PAQR4: variants seen among roughly 807,000 people sequenced by gnomAD.
The protein encoded by PAQR4 is progestin and adipoQ receptor family member 4, also known as progestin and adipoQ receptor family member IV.
Under a neutral mutation model 20.9 loss-of-function variants are expected in PAQR4, and 26 were observed. The observed-to-expected ratio is 1.24, with a 90% CI of 0.91 to 1.73. PAQR4 has a LOEUF of 1.73. Among genes scored for constraint, PAQR4 ranks in the 40% most tolerant of loss-of-function variants. The probability of loss-of-function intolerance (pLI) is 0.00; values close to 1 mark genes in which losing one functional copy is unlikely to be tolerated. For missense variants in PAQR4, 400 were observed against 380.1 expected (o/e 1.05, Z -0.44); for synonymous variants, 193 against 171.6 (o/e 1.12, Z -0.97).
Position 2,971,896 on chromosome 16 carries a change from G to A in PAQR4, c.770G>A (p.Gly257Asp), listed in dbSNP as rs144862584. 4 of 1,607,920 alleles carry A rather than the reference G, an allele frequency of 2.5e-6. No individual in the cohort carries two copies. Among genetic ancestry groups the A allele is most frequent in the Non-Finnish European group, 3.4e-6 (4 of 1,179,598 alleles). The change falls in exon 3 of 3, where the codon GGC becomes GAC. Residue 257 changes from glycine (G) to aspartate (D), a missense_variant. Physicochemically the swap from Gly to Asp is moderately conservative, Grantham distance 94. Transcript: ENST00000318782. ...GGCTCCATCCTGCAGCTGCACGCCGGCGTCGTGCCCGACCTGCTCTGGGCT... is the reference window on the plus strand; with the variant it reads ...GGCTCCATCCTGCAGCTGCACGCCGACGTCGTGCCCGACCTGCTCTGGGCT... The part of the protein sequence containing the change: ...SVGSILQLHA[G>D]VVPDLLWAAH...
chr16:2,973,340 A>G lies in PAQR4; in HGVS notation c.*1392A>G. 5.8e-6 allele frequency: 9 copies of G among 1,542,960 alleles called. No homozygotes were observed. The highest frequency in any genetic ancestry group is 7.9e-6 in the Non-Finnish European group (9 of 1,145,366). On this transcript the variant is annotated 3_prime_UTR_variant, in exon 3 of 3. Coordinates refer to ENST00000318782, the MANE Select transcript of PAQR4 (RefSeq NM_152341.5). ...AACAGGCAGGGAGCCACAGTCAGGG[A>G]CAATAAAAACTTGGTGCACTCTGAA... is the stretch of plus-strand genomic sequence containing the variant.
In PAQR4 at chr16:2,973,222, G is replaced by A; in HGVS notation, c.*1274G>A. The A allele has an allele frequency of 6.7e-7, 1 of 1,489,366 alleles. No individual in the cohort carries two copies. Among genetic ancestry groups the A allele is most frequent in the Non-Finnish European group, 9.0e-7 (1 of 1,115,940 alleles). The allele number at this position is 1,489,366 out of a possible 1,614,324, so 92.3% of individuals were successfully genotyped here. A position where few individuals can be genotyped will look rare whatever the true frequency, so the allele number is the denominator to read the frequency against. On this transcript the variant is annotated 3_prime_UTR_variant, in exon 3 of 3. Transcript: ENST00000318782. ...CTCAGGGGAGAGTGAAGGCCTGCAG[G>A]AGGGCAGGCGAGACAAGGAGGGTGT...
Position 2,973,160 on chromosome 16 carries a change from G to T in PAQR4, c.*1212G>T, listed in dbSNP as rs2072052606. ...TACCTGGGTGTGCACCTGCTCCGGGGGGTGGAGGTGCTCCCCACAGTCCGG... is the reference window on the plus strand; with the variant it reads ...TACCTGGGTGTGCACCTGCTCCGGGTGGTGGAGGTGCTCCCCACAGTCCGG... On this transcript the variant is annotated 3_prime_UTR_variant, in exon 3 of 3. Coordinates refer to ENST00000318782, the MANE Select transcript of PAQR4 (RefSeq NM_152341.5). 6.5e-7 allele frequency: 1 copy of T among 1,539,162 alleles called. No individual in the cohort carries two copies. The highest frequency in any genetic ancestry group is 8.8e-7 in the Non-Finnish European group (1 of 1,136,922).
rs773067432 is a variant in PAQR4, at chr16:2,971,338, C to T, written c.348C>T (p.Leu116=). 2.3e-5 allele frequency: 37 copies of T among 1,611,510 alleles called. 1 individual carries two copies. The highest frequency in any genetic ancestry group is 8.8e-5 in the South Asian group (8 of 91,086). The change falls in exon 2 of 3, where the codon CTC becomes CTT. Residue 116 remains leucine, a synonymous_variant. Coordinates refer to ENST00000318782, the MANE Select transcript of PAQR4 (RefSeq NM_152341.5). ...GCAGCGCTGTGTACGCCCGGCTCCT[C>T]GCCCTGGACATGTGTGGGGTCTGCC... ...QGGSAVYARL[L]ALDMCGVCLV...
chr16:2,969,512 G>C lies in PAQR4; in HGVS notation c.-163G>C. 1.6e-6 allele frequency: 1 copy of C among 635,928 alleles called. No individual in the cohort carries two copies. Among genetic ancestry groups the C allele is most frequent in the Non-Finnish European group, 2.2e-6 (1 of 456,012 alleles). The allele number at this position is 635,928 out of a possible 1,614,324, so 39.4% of individuals were successfully genotyped here. On this transcript the variant is annotated 5_prime_UTR_variant, in exon 1 of 3. Transcript: ENST00000318782. ...CGCGTGCGCAGCGCCGGAGGGGCGC[G>C]GGCTGGGACCCCCTAGCCAGCGCGT...
In PAQR4 at chr16:2,972,383, A is replaced by T; in HGVS notation, c.*435A>T. On this transcript the variant is annotated 3_prime_UTR_variant, in exon 3 of 3. Transcript: ENST00000318782. ...TCTCCATCTTTCTGCCCTGCATACCAGCCCTCCCAGCAGCCACAAGCTTGC... is the reference window on the plus strand; with the variant it reads ...TCTCCATCTTTCTGCCCTGCATACCTGCCCTCCCAGCAGCCACAAGCTTGC... The T allele has an allele frequency of 1.8e-6, 1 of 544,392 alleles. No individual in the cohort carries two copies. Among genetic ancestry groups the T allele is most frequent in the Non-Finnish European group, 3.3e-6 (1 of 306,142 alleles). 33.7% of individuals were successfully genotyped at this position (544,392 alleles called of 1,614,324 possible).
At chr16:2,971,436 C>G in intron 2 of PAQR4, 58 bp downstream of exon 2, 1 of 1,582,364 alleles carries the variant, frequency 6.3e-7, no homozygotes, top group Non-Finnish European at 8.6e-7. Flanking sequence ...GCATGGGGCA[C>G]GCATACAAGC....
Position 2,972,922 on chromosome 16 carries a change from A to C in PAQR4, c.*974A>C. Reference sequence around the variant, plus strand: ...GGCGACGGGAGAGACACAGGATAAAAGGTTAAAAGTGCAGAGGCAGAGTCT... The same window carrying C: ...GGCGACGGGAGAGACACAGGATAAACGGTTAAAAGTGCAGAGGCAGAGTCT... On this transcript the variant is annotated 3_prime_UTR_variant, in exon 3 of 3. Transcript: ENST00000318782. 1 of 1,577,402 alleles carries C rather than the reference A, an allele frequency of 6.3e-7. No individual in the cohort carries two copies. The highest frequency in any genetic ancestry group is 8.6e-7 in the Non-Finnish European group (1 of 1,160,718).
Position 2,973,318 on chromosome 16 carries a change from A to G in PAQR4, c.*1370A>G. ...GGCTCCAGGCTCCCGCCTGACAAACAGGCAGGGAGCCACAGTCAGGGACAA... is the reference window on the plus strand; with the variant it reads ...GGCTCCAGGCTCCCGCCTGACAAACGGGCAGGGAGCCACAGTCAGGGACAA... On this transcript the variant is annotated 3_prime_UTR_variant, in exon 3 of 3. Coordinates refer to ENST00000318782, the MANE Select transcript of PAQR4 (RefSeq NM_152341.5). 6.6e-7 allele frequency: 1 copy of G among 1,520,082 alleles called. No individual in the cohort carries two copies. The highest frequency in any genetic ancestry group is 8.8e-7 in the Non-Finnish European group (1 of 1,135,366). 94.2% of individuals were successfully genotyped at this position (1,520,082 alleles called of 1,614,324 possible).
chr16:2,972,551 T>A lies in PAQR4; in HGVS notation c.*603T>A. On this transcript the variant is annotated 3_prime_UTR_variant, in exon 3 of 3. Coordinates refer to ENST00000318782, the MANE Select transcript of PAQR4 (RefSeq NM_152341.5). ...CTTCCAGGAAACTGACACAGGGAGC[T>A]CAGCGGCCTCAGATCCTGGGACCCC... 3 of 1,433,020 alleles carry A rather than the reference T, an allele frequency of 2.1e-6. No homozygotes were observed. In the South Asian group the frequency reaches 3.9e-5, roughly 19 times the overall value. 88.8% of individuals were successfully genotyped at this position (1,433,020 alleles called of 1,614,324 possible).
At chr16:2,970,988 C>G in intron 1 of PAQR4, 169 bp from the exon 2 acceptor site, 1 of 637,550 alleles carries the variant, frequency 1.6e-6, no homozygotes, top group Non-Finnish European at 2.7e-6. Context: ...GATAAGTAAC[C>G]AGTGCCAAAA....
Position 2,973,436 on chromosome 16 carries a change from A to G in PAQR4, c.*1488A>G. The G allele has an allele frequency of 6.5e-7, 1 of 1,530,178 alleles. No homozygotes were observed. The allele number at this position is 1,530,178 out of a possible 1,614,324, so 94.8% of individuals were successfully genotyped here. On this transcript the variant is annotated 3_prime_UTR_variant, in exon 3 of 3. Transcript: ENST00000318782. ...CCAAGGCCCCCTCTGTCCTTTTCAG[A>G]ACACATGGACTTGGAGGCAGATTTG...
Position 2,972,384 on chromosome 16 carries a change from G to A in PAQR4, c.*436G>A. On this transcript the variant is annotated 3_prime_UTR_variant, in exon 3 of 3. Transcript: ENST00000318782. Reference sequence around the variant, plus strand: ...CTCCATCTTTCTGCCCTGCATACCAGCCCTCCCAGCAGCCACAAGCTTGCC... The same window carrying A: ...CTCCATCTTTCTGCCCTGCATACCAACCCTCCCAGCAGCCACAAGCTTGCC... 3.7e-6 allele frequency: 2 copies of A among 545,894 alleles called. No individual in the cohort carries two copies. Among genetic ancestry groups the A allele is most frequent in the East Asian group, 3.1e-5 (1 of 32,574 alleles). 33.8% of individuals were successfully genotyped at this position (545,894 alleles called of 1,614,324 possible). A position where few individuals can be genotyped will look rare whatever the true frequency, so the allele number is the denominator to read the frequency against.
In PAQR4 at chr16:2,971,596, C is replaced by T. The variant is rs367647268; in HGVS notation, c.470C>T (p.Ser157Leu). The T allele has an allele frequency of 2.1e-5, 33 of 1,602,194 alleles. 1 individual carries two copies. The highest frequency in any genetic ancestry group is 1.6e-4 in the Middle Eastern group (1 of 6,082). ...GCCCTGGTGGGCTACACTGTGTTGT[C>T]GGGTGTGGCCGGCTGGCGTGCTCTC... is the stretch of plus-strand genomic sequence containing the variant. Reference protein sequence around the residue: ...PAALVGYTVLSGVAGWRALTA... With the variant: ...PAALVGYTVLLGVAGWRALTA... The change falls in exon 3 of 3, where the codon TCG (serine) becomes TTG (leucine). Residue 157 changes from serine to leucine, a missense_variant. Transcript: ENST00000318782.
chr16:2,971,566 CG>C lies in PAQR4; in HGVS notation c.442del (p.Ala148LeufsTer72). The C allele has an allele frequency of 6.3e-7, 1 of 1,597,330 alleles. No homozygotes were observed. Among genetic ancestry groups the C allele is most frequent in the Non-Finnish European group, 8.5e-7 (1 of 1,177,630 alleles). On this transcript the variant is annotated frameshift_variant, in exon 3 of 3. Coordinates refer to ENST00000318782, the MANE Select transcript of PAQR4 (RefSeq NM_152341.5). LOFTEE classifies it high-confidence loss of function. The stretch of plus-strand genomic sequence containing the variant: ...CTGGCCTGCAGGCCCTGGCTGCGCC[CG>C]GCTGCCCTGGTGGGCTACACTGTGT... ...CTLACRPWLR[P>X]AALVGYTVLS...
chr16:2,972,831 AC>A lies in PAQR4; in HGVS notation c.*884del. ...GCTTGGGTGCTCCCAAGGTTCAAAT[AC>A]TTTTTATTAGACACGGCCAGGCAGA... On this transcript the variant is annotated 3_prime_UTR_variant, in exon 3 of 3. Transcript: ENST00000318782. The A allele has an allele frequency of 6.5e-7, 1 of 1,533,382 alleles. No individual in the cohort carries two copies. The highest frequency in any genetic ancestry group is 8.8e-7 in the Non-Finnish European group (1 of 1,135,458). The allele number at this position is 1,533,382 out of a possible 1,614,324, so 95.0% of individuals were successfully genotyped here.
chr16:2,973,295 C>G lies in PAQR4; in HGVS notation c.*1347C>G. 2.0e-6 allele frequency: 3 copies of G among 1,507,242 alleles called. No individual in the cohort carries two copies. The highest frequency in any genetic ancestry group is 2.5e-5 in the East Asian group (1 of 40,512). 93.4% of individuals were successfully genotyped at this position (1,507,242 alleles called of 1,614,324 possible). A position where few individuals can be genotyped will look rare whatever the true frequency, so the allele number is the denominator to read the frequency against. On this transcript the variant is annotated 3_prime_UTR_variant, in exon 3 of 3. Coordinates refer to ENST00000318782, the MANE Select transcript of PAQR4 (RefSeq NM_152341.5). ...GAAACCAGCTCTGTCCCTGTGCAGG[C>G]TCCAGGCTCCCGCCTGACAAACAGG...
chr16:2,973,086 A>T lies in PAQR4; in HGVS notation c.*1138A>T, dbSNP rs765613328. 3.8e-6 allele frequency: 6 copies of T among 1,580,222 alleles called. No individual in the cohort carries two copies. Among genetic ancestry groups the T allele is most frequent in the Non-Finnish European group, 5.2e-6 (6 of 1,161,716 alleles). On this transcript the variant is annotated 3_prime_UTR_variant, in exon 3 of 3. Transcript: ENST00000318782. ...ATCCCTGGGAGGAGAGAGTAGTGACACTCAGGATCCAAAAGCTAGCCCTGC... is the reference window on the plus strand; with the variant it reads ...ATCCCTGGGAGGAGAGAGTAGTGACTCTCAGGATCCAAAAGCTAGCCCTGC...
Position 2,971,602 on chromosome 16 carries a change from TG to T in PAQR4, c.478del (p.Ala160ProfsTer60). 1 of 1,602,840 alleles carries T rather than the reference TG, an allele frequency of 6.2e-7. No homozygotes were observed. ...ALVGYTVLSGVAGWRALTAPS... is the reference protein window; with the variant it reads ...ALVGYTVLSGXAGWRALTAPS... The stretch of plus-strand genomic sequence containing the variant: ...GTGGGCTACACTGTGTTGTCGGGTG[TG>T]GCCGGCTGGCGTGCTCTCACCGCCC... On this transcript the variant is annotated frameshift_variant, in exon 3 of 3. Coordinates refer to ENST00000318782, the MANE Select transcript of PAQR4 (RefSeq NM_152341.5). LOFTEE classifies it high-confidence loss of function.
Sources: allele counts gnomAD v4.1 joint callset, GRCh38; gene constraint gnomAD v4.1.1; transcripts MANE v1.5; gene names NCBI Gene and HGNC (gene_info 2026-07-23, HGNC 2026-07-21).